The following FRY variants were observed in gnomAD, a reference collection of about 807,000 sequenced individuals.
FRY encodes FRY microtubule binding protein, also known as protein furry homolog.
Under a neutral mutation model 348.4 loss-of-function variants are expected in FRY, and 128 were observed. The observed-to-expected ratio is 0.37, with a 90% CI of 0.32 to 0.43. The LOEUF (loss-of-function observed/expected upper bound fraction) is 0.43, where lower values mean the gene tolerates loss of function less well. Ranked by LOEUF, FRY falls within the 20% of genes least tolerant of loss-of-function variation. FRY has a pLI of 1.00. For synonymous variants in FRY, 1,370 were observed against 1,374.7 expected (o/e 1.00, Z 0.08); for missense variants, 2,736 against 3,695.2 (o/e 0.74, Z 6.73).
At chr13:32,152,746 A>G (rs1202917132) in intron 14 of FRY, among the ~76,000 whole-genome samples, 4 of 152,196 alleles carry the variant, frequency 2.6e-5, no homozygotes. Context: ...GTCATAAACT[A>G]TACAAGAAAA....
At chr13:32,193,083 C>G (rs1391871395) in intron 28 of FRY, among the ~76,000 whole-genome samples, 3 of 151,202 alleles carry the variant, frequency 2.0e-5, no homozygotes, top group Non-Finnish European at 4.4e-5. Context: ...TATGTAACCT[C>G]TAGGCACCAG....
chr13:32,133,556 C>T (rs995500375), intron 8 of FRY, among the ~76,000 whole-genome samples: 1 of 152,216 alleles, frequency 6.6e-6, no homozygotes, highest in Non-Finnish European at 1.5e-5. Flanking sequence ...TAGAGCTCAT[C>T]TGTATAGGAA....
intron 1 of FRY, among the ~76,000 whole-genome samples, chr13:32,053,138 G>A (rs1873434684): frequency 6.6e-6 from 1 of 152,034 alleles, no homozygotes; most frequent in Non-Finnish European, 1.5e-5. Context: ...AAGTTCCTTA[G>A]TAACACTGAC....
Position 32,239,823 on chromosome 13 carries a change from G to C in FRY, c.6629G>C (p.Arg2210Pro). ...DCATWVNVVC[R>P]YLHEAYADIT... ...GCCACGTGGGTCAATGTGGTCTGTC[G>C]ATACCTTCATGAAGCATATGCTGAC... The change falls in exon 46 of 61, where the codon CGA becomes CCA. Residue 2210 changes from arginine to proline, a missense_variant. Arg to Pro is a moderately radical substitution (Grantham distance 103). Transcript: ENST00000542859. The surrounding 1 kb of genome is among the most constrained non-coding windows in gnomAD (Gnocchi z 4.3). The C allele has an allele frequency of 6.2e-7, 1 of 1,614,040 alleles. No individual in the cohort carries two copies. Among genetic ancestry groups the C allele is most frequent in the South Asian group, 1.1e-5 (1 of 91,068 alleles).
intron 1 of FRY, among the ~76,000 whole-genome samples, chr13:32,052,068 G>C (rs1365347718): frequency 1.3e-5 from 2 of 152,210 alleles, no homozygotes; most frequent in Non-Finnish European, 2.9e-5. Flanking sequence ...ATAGCAGGAA[G>C]AGTACAAACT....
In FRY at chr13:32,178,870, G is replaced by T. The variant is rs756822384; in HGVS notation, c.2708G>T (p.Ser903Ile). ...AGCCCAATTAATGCCAAGAAAACCA[G>T]CACTGCCGGCAGCGGAGACAACTAT... ...PNSPINAKKT[S>I]TAGSGDNYVT... The change falls in exon 22 of 61, where the codon AGC (serine) becomes ATC (isoleucine). Residue 903 changes from serine to isoleucine, a missense_variant. By Grantham distance (142) the Ser-to-Ile change is moderately radical. Around this residue, in one of 9 missense-constraint regions of FRY, gnomAD observed 449 missense variants for 576.9 expected, o/e 0.78. Coordinates refer to ENST00000542859, the MANE Select transcript of FRY (RefSeq NM_023037.3). 1.9e-6 allele frequency: 3 copies of T among 1,613,432 alleles called. No individual in the cohort carries two copies. The East Asian group carries it at 6.7e-5, about 36-fold the overall frequency.
intron 58 of FRY, 118 bp from the exon 59 acceptor site, chr13:32,289,515 A>G (rs1889227822): frequency 2.9e-6 from 2 of 683,238 alleles, no homozygotes; most frequent in Non-Finnish European, 5.3e-6. Flanking sequence ...ATTTGGAATA[A>G]CAGCTGGTTA....
intron 1 of FRY, among the ~76,000 whole-genome samples, chr13:32,051,130 C>T (rs1248728137): frequency 6.6e-6 from 1 of 152,120 alleles, no homozygotes; most frequent in Non-Finnish European, 1.5e-5. Flanking sequence ...TTAATTATTT[C>T]CGTTTCCTTC....
chr13:32,147,184 G>A (rs1880510521), intron 11 of FRY, 98 bp from the exon 12 acceptor site: 1 of 735,780 alleles, frequency 1.4e-6, no homozygotes, highest in Non-Finnish European at 2.5e-6. Flanking sequence ...CCATCCACCT[G>A]GAGCTTGCCT....
intron 58 of FRY, among the ~76,000 whole-genome samples, chr13:32,278,978 G>A (rs189419263): frequency 2.0e-5 from 3 of 152,056 alleles, no homozygotes; most frequent in Non-Finnish European, 4.4e-5. Context: ...CCAGTGTGCC[G>A]TACTATAAAG....
intron 1 of FRY, among the ~76,000 whole-genome samples, chr13:32,063,882 G>A (rs1225662882): frequency 6.6e-6 from 1 of 152,188 alleles, no homozygotes; most frequent in Non-Finnish European, 1.5e-5. Flanking sequence ...TCTGATGCGA[G>A]TCTTGGGTTG....
At chr13:32,047,199 T>C (rs1404187652) in intron 1 of FRY, among the ~76,000 whole-genome samples, 1 of 152,260 alleles carries the variant, frequency 6.6e-6, no homozygotes, top group Non-Finnish European at 1.5e-5. Flanking sequence ...CTTGCTCAAA[T>C]AAATGGTAGC....
intron 46 of FRY, among the ~76,000 whole-genome samples, chr13:32,242,588 G>A (rs1004826495): frequency 6.6e-6 from 1 of 152,086 alleles, no homozygotes; most frequent in Non-Finnish European, 1.5e-5. Context: ...AGGCTGGAGT[G>A]CAGCAACATG....
In FRY at chr13:32,239,945, T is replaced by A. The variant is rs1204833680; in HGVS notation, c.6687+64T>A. The stretch of plus-strand genomic sequence containing the variant: ...TTATGTTGCCCAGGCTGATCTCAAC[T>A]CTTGGGCTCAAGCAGTCCTCCTGCC... On this transcript the variant is annotated intron_variant, in intron 46 of 60. Coordinates refer to ENST00000542859, the MANE Select transcript of FRY (RefSeq NM_023037.3). The surrounding 1 kb of genome is among the most constrained non-coding windows in gnomAD (Gnocchi z 4.3). The A allele has an allele frequency of 7.0e-7, 1 of 1,437,196 alleles. No individual in the cohort carries two copies. Among genetic ancestry groups the A allele is most frequent in the Non-Finnish European group, 9.6e-7 (1 of 1,036,448 alleles). The allele number at this position is 1,437,196 out of a possible 1,614,324, so 89.0% of individuals were successfully genotyped here.
At chr13:32,273,960 A>G (rs1489141190) in intron 55 of FRY, among the ~76,000 whole-genome samples, 1 of 152,214 alleles carries the variant, frequency 6.6e-6, no homozygotes, top group African/African-American at 2.4e-5. Context: ...GTGACACTCA[A>G]AGGAAATGCT....
chr13:32,257,914 T>C, intron 51 of FRY: 1 of 1,531,014 alleles, frequency 6.5e-7, no homozygotes, highest in South Asian at 1.1e-5. Flanking sequence ...ATATAATCAT[T>C]GTAAATAGAC....
At chr13:32,148,820 G>A (rs1880619958) in intron 13 of FRY, among the ~76,000 whole-genome samples, 1 of 152,204 alleles carries the variant, frequency 6.6e-6, no homozygotes, top group Admixed American at 6.5e-5. Flanking sequence ...CTTCACAGAT[G>A]ATTTGACAGT....
chr13:32,194,309 T>C lies in FRY; in HGVS notation c.3746+12T>C. On this transcript the variant is annotated intron_variant, in intron 29 of 60. Coordinates refer to ENST00000542859, the MANE Select transcript of FRY (RefSeq NM_023037.3). Reference sequence around the variant, plus strand: ...GTGTGTGGAAGCAGGTACGAATTTTTATAAGCAGTGATGAGTGGCAAGTAT... The same window carrying C: ...GTGTGTGGAAGCAGGTACGAATTTTCATAAGCAGTGATGAGTGGCAAGTAT... The C allele has an allele frequency of 6.2e-7, 1 of 1,613,562 alleles. No homozygotes were observed. Among genetic ancestry groups the C allele is most frequent in the Non-Finnish European group, 8.5e-7 (1 of 1,179,414 alleles).
At chr13:32,114,655 T>A (rs1431611275) in intron 3 of FRY, among the ~76,000 whole-genome samples, 1 of 152,208 alleles carries the variant, frequency 6.6e-6, no homozygotes, top group Non-Finnish European at 1.5e-5. Context: ...TCGTTACCTA[T>A]GTAATAATTA....
Sources: allele counts gnomAD v4.1 joint callset (sites outside exome capture counted in the v4.1 genomes callset), GRCh38; gene constraint gnomAD v4.1.1; regional missense constraint gnomAD v4.1.1; non-coding constraint Gnocchi (gnomAD v3.1); transcripts MANE v1.5; gene names NCBI Gene and HGNC (gene_info 2026-07-23, HGNC 2026-07-21).